GRIP1: variants seen among roughly 807,000 people sequenced by gnomAD.
GRIP1 encodes glutamate receptor-interacting protein 1.
Under a neutral mutation model 129.9 loss-of-function variants are expected in GRIP1, and 45 were observed. The ratio of observed to expected loss-of-function variants is 0.35; its 90% CI spans 0.27 to 0.44. The LOEUF (loss-of-function observed/expected upper bound fraction) is 0.44, where lower values mean the gene tolerates loss of function less well. GRIP1 is among the 20% of genes least tolerant of loss of function. The pLI, the probability that GRIP1 is intolerant of heterozygous loss-of-function variation, is 1.00. For synonymous variants in GRIP1, 530 were observed against 520.8 expected (o/e 1.02, Z -0.24); for missense variants, 1,196 against 1,396.8 (o/e 0.86, Z 2.29).
chr12:66,807,742 C>A (rs746034433), upstream of GRIP1, among the ~76,000 whole-genome samples: 1 of 152,016 alleles, frequency 6.6e-6, no homozygotes, highest in Non-Finnish European at 1.5e-5. Flanking sequence ...TGCCTTTCAC[C>A]ATGACTGGAA....
intron 1 of GRIP1, among the ~76,000 whole-genome samples, chr12:66,792,879 G>A (rs531498381): frequency 4.6e-5 from 7 of 151,968 alleles, no homozygotes; most frequent in Admixed American, 1.3e-4. Flanking sequence ...GACCACTGTT[G>A]CCAATAATCC....
intron 1 of GRIP1, among the ~76,000 whole-genome samples, chr12:66,960,837 T>C (rs1346639715): frequency 6.6e-6 from 1 of 152,134 alleles, no homozygotes; most frequent in Admixed American, 6.5e-5. Flanking sequence ...GAAGCCCTAG[T>C]AGAGACTGCA....
At chr12:66,757,486 CAAAG>C in intron 1 of GRIP1, among the ~76,000 whole-genome samples, 1 of 152,112 alleles carries the variant, frequency 6.6e-6, no homozygotes, top group Admixed American at 6.5e-5. Flanking sequence ...TGCTGATGAA[CAAAG>C]GTTCATCAGC....
At chr12:66,922,218 T>A (rs1353820884) in intron 1 of GRIP1, among the ~76,000 whole-genome samples, 1 of 152,174 alleles carries the variant, frequency 6.6e-6, no homozygotes, top group Non-Finnish European at 1.5e-5. Context: ...TTTTAATATA[T>A]CCAGCTTCCC....
intron 1 of GRIP1, among the ~76,000 whole-genome samples, chr12:66,812,314 T>C (rs1209374141): frequency 2.0e-5 from 3 of 152,152 alleles, no homozygotes; most frequent in Non-Finnish European, 4.4e-5. Context: ...TTTGTATTTT[T>C]AGTAGAGATG....
upstream of GRIP1, among the ~76,000 whole-genome samples, chr12:66,807,715 G>C (rs1038726327): frequency 5.9e-5 from 9 of 151,972 alleles, no homozygotes; most frequent in African/African-American, 2.2e-4. Context: ...GGTCAAGTGA[G>C]ATGCTCACTC....
Position 66,737,912 on chromosome 12 carries a change from G to A in GRIP1, c.-420+66141C>T, listed in dbSNP as rs142015628. Among the ~76,000 whole-genome samples, 45 of 152,232 alleles carry A rather than the reference G, an allele frequency of 3.0e-4. No individual in the cohort carries two copies. In the East Asian group the frequency reaches 7.3e-3, roughly 25 times the overall value. ...GATTGCCTAATACAGTTGTGATCAC[G>A]CACTGAAAAGAGAAAGGGCAGGCTG... On this transcript the variant is annotated intron_variant, in intron 1 of 4. Transcript: ENST00000538373.
At chr12:66,618,530 A>C (rs73325157) in intron 1 of GRIP1, among the ~76,000 whole-genome samples, 21,638 of 152,106 alleles carry the variant, frequency 0.14, 1,667 homozygotes, top group Middle Eastern at 0.19. Context: ...TATCTATTAA[A>C]AAAAAGTAAA....
intron 1 of GRIP1, among the ~76,000 whole-genome samples, chr12:66,855,115 T>C (rs1592905027): frequency 6.6e-6 from 1 of 151,946 alleles, no homozygotes; most frequent in Middle Eastern, 3.2e-3. Context: ...AGTAATCAAA[T>C]GTCTCAAACT....
At chr12:66,364,577 G>A (rs1481819443) in intron 23 of GRIP1, among the ~76,000 whole-genome samples, 2 of 152,128 alleles carry the variant, frequency 1.3e-5, no homozygotes, top group Non-Finnish European at 2.9e-5. Context: ...ATGGGACAAA[G>A]GACAGAACTC....
intron 1 of GRIP1, among the ~76,000 whole-genome samples, chr12:66,636,950 G>A (rs2031454149): frequency 6.6e-6 from 1 of 152,168 alleles, no homozygotes; most frequent in Non-Finnish European, 1.5e-5. Flanking sequence ...AGGACAGCCT[G>A]AGCAAACTAA....
chr12:66,878,777 T>C (rs559088700), intron 1 of GRIP1, among the ~76,000 whole-genome samples: 86 of 152,042 alleles, frequency 5.7e-4, no homozygotes, highest in African/African-American at 1.1e-3. Flanking sequence ...TAATATGTTA[T>C]AGAGGAAGAA....
At chr12:66,880,622 T>TTA (rs1051441827) in intron 1 of GRIP1, among the ~76,000 whole-genome samples, 2 of 152,144 alleles carry the variant, frequency 1.3e-5, no homozygotes, top group Non-Finnish European at 2.9e-5. Flanking sequence ...CAGACTACAT[T>TTA]GTTTCCAACT....
At chr12:66,904,267 C>T (rs1264835706) in intron 1 of GRIP1, among the ~76,000 whole-genome samples, 1 of 152,142 alleles carries the variant, frequency 6.6e-6, no homozygotes, top group Non-Finnish European at 1.5e-5. Context: ...GACTTTTGCA[C>T]ATCAGTTATT....
In GRIP1 at chr12:66,729,823, C is replaced by A. The variant is rs370440094; in HGVS notation, c.-420+74230G>T. Among the ~76,000 whole-genome samples, 6 of 152,240 alleles carry A rather than the reference C, an allele frequency of 3.9e-5. No homozygotes were observed. The East Asian group carries it at 1.2e-3, about 29-fold the overall frequency. On this transcript the variant is annotated intron_variant, in intron 1 of 4. Coordinates refer to the GRIP1 transcript ENST00000538373. ...TCTCCTGACCTCGTAATCCACCCACCTCGGCCTCCCAAAGTGCTGGGATTA... is the reference window on the plus strand; with the variant it reads ...TCTCCTGACCTCGTAATCCACCCACATCGGCCTCCCAAAGTGCTGGGATTA...
intron 2 of GRIP1, among the ~76,000 whole-genome samples, chr12:66,591,758 T>C (rs1218520885): frequency 1.3e-5 from 2 of 152,090 alleles, no homozygotes; most frequent in Admixed American, 6.6e-5. Flanking sequence ...ATGTCCTGAG[T>C]AGCTGGGACC....
At chr12:66,382,549 A>G (rs1221978350) in intron 19 of GRIP1, among the ~76,000 whole-genome samples, 2 of 152,208 alleles carry the variant, frequency 1.3e-5, no homozygotes, top group Non-Finnish European at 2.9e-5. Context: ...GAAAGTGCCT[A>G]GAACACAAGG....
intron 19 of GRIP1, among the ~76,000 whole-genome samples, chr12:66,391,725 C>T (rs1479686350): frequency 6.6e-6 from 1 of 152,096 alleles, no homozygotes; most frequent in Admixed American, 6.6e-5. Context: ...GTGGTGTGTG[C>T]ACATAGTCTC....
chr12:66,444,438 A>C (rs1347306421), intron 13 of GRIP1, 146 bp downstream of exon 13: 8 of 643,004 alleles, frequency 1.2e-5, no homozygotes, highest in Non-Finnish European at 2.1e-5. Flanking sequence ...GTGAGCCGAG[A>C]TTGCGCCACT....
Sources: allele counts gnomAD v4.1 joint callset (sites outside exome capture counted in the v4.1 genomes callset), GRCh38; gene constraint gnomAD v4.1.1; transcripts MANE v1.5; gene names NCBI Gene and HGNC (gene_info 2026-07-23, HGNC 2026-07-21).